The following CELF2 variants were observed in gnomAD, a reference collection of about 807,000 sequenced individuals.
CELF2 encodes the protein CUGBP Elav-like family member 2, also known as CUG triplet repeat RNA-binding protein 2.
A neutral mutation model predicts 62.6 loss-of-function variants in CELF2; 8 were observed. That is an observed-to-expected ratio of 0.13 (90% CI 0.07 to 0.23). CELF2 has a LOEUF of 0.23. CELF2 is among the 10% of genes least tolerant of loss of function. CELF2 has a pLI of 1.00. For missense variants in CELF2, 333 were observed against 671.0 expected (o/e 0.50, Z 5.56); for synonymous variants, 258 against 250.0 (o/e 1.03, Z -0.30).
intron 1 of CELF2, among the ~76,000 whole-genome samples, chr10:11,104,837 G>C (rs990739959): frequency 3.3e-5 from 5 of 152,224 alleles, no homozygotes; most frequent in African/African-American, 1.2e-4. Flanking sequence ...GACATGTTCA[G>C]AGCCTCAGTA....
At chr10:10,696,398 C>G in the CELF2 span, among the ~76,000 whole-genome samples, 2 of 151,742 alleles carry the variant, frequency 1.3e-5, no homozygotes, top group Admixed American at 1.3e-4. Context: ...AACCACTGCT[C>G]TCTTCAAAGC....
chr10:10,756,884 CTG>C, the CELF2 span, among the ~76,000 whole-genome samples: 1 of 152,290 alleles, frequency 6.6e-6, no homozygotes, highest in South Asian at 2.1e-4. Context: ...TGGCTCACAC[CTG>C]TAATCTCAGC....
rs143243962 is a variant in CELF2 at position 11,136,536 on chromosome 10, G to A, written c.75-28950G>A. 7.6e-3 allele frequency among the ~76,000 whole-genome samples: 1,156 copies of A among 152,248 alleles called. 13 individuals are homozygous for A. The highest frequency in any genetic ancestry group is 0.026 in the African/African-American group (1,080 of 41,546). ...GGAGAATTACTTTAACCTGGGAGGC[G>A]GAGGTTGCAGTGAGCTGAGATTGCT... On this transcript the variant is annotated intron_variant, in intron 1 of 12. Transcript: ENST00000633077.
At chr10:11,013,674 C>T (rs1250544793), upstream of CELF2, among the ~76,000 whole-genome samples, 1 of 152,114 alleles carries the variant, frequency 6.6e-6, no homozygotes, top group Non-Finnish European at 1.5e-5. This position sits in a 1 kb window ranked among gnomAD's most constrained non-coding sequence, Gnocchi z 4.1. Flanking sequence ...AGCTTAATAA[C>T]GATTTCATCT....
chr10:11,260,296 G>C lies in CELF2; in HGVS notation c.538+2424G>C, dbSNP rs2242452. Among the ~76,000 whole-genome samples, 7,447 of 152,166 alleles carry C rather than the reference G, an allele frequency of 0.049. 313 individuals carry two copies. The highest frequency in any genetic ancestry group is 0.11 in the African/African-American group (4,634 of 41,474). On this transcript the variant is annotated intron_variant, in intron 5 of 12. Transcript: ENST00000633077. The surrounding 1 kb of genome is among the most constrained non-coding windows in gnomAD (Gnocchi z 4.2). Reference sequence around the variant, plus strand: ...TATGTGTGCTTGATTTCTGCTCCCCGTCTGCTGGCCTGGCTGATCTAGGCA... The same window carrying C: ...TATGTGTGCTTGATTTCTGCTCCCCCTCTGCTGGCCTGGCTGATCTAGGCA...
chr10:10,772,700 G>A, the CELF2 span, among the ~76,000 whole-genome samples: 1 of 152,176 alleles, frequency 6.6e-6, no homozygotes, highest in East Asian at 1.9e-4. Context: ...GAGCTATAGA[G>A]GAGAAGCTCA....
chr10:10,514,887 A>G, the CELF2 span, among the ~76,000 whole-genome samples: 1 of 152,206 alleles, frequency 6.6e-6, no homozygotes, highest in African/African-American at 2.4e-5. Context: ...GCATGATTCA[A>G]ATTATTGCTC....
chr10:10,912,898 C>A (rs2063939380), intron 1 of CELF2, among the ~76,000 whole-genome samples: 1 of 152,190 alleles, frequency 6.6e-6, no homozygotes, highest in Admixed American at 6.5e-5. Context: ...TCTTTTGTCT[C>A]ATTTTTCTCG....
At chr10:10,653,711 C>G in the CELF2 span, among the ~76,000 whole-genome samples, 9 of 146,908 alleles carry the variant, frequency 6.1e-5, no homozygotes, top group African/African-American at 1.5e-4. Context: ...GGGATGCATT[C>G]AAAGCAGTGT....
chr10:10,884,103 G>T (rs1231571705), intron 1 of CELF2, among the ~76,000 whole-genome samples: 1 of 152,062 alleles, frequency 6.6e-6, no homozygotes, highest in South Asian at 2.1e-4. Context: ...CTTCTTTCTT[G>T]CTCTCCTTTT....
the CELF2 span, among the ~76,000 whole-genome samples, chr10:10,547,768 A>T: frequency 6.6e-6 from 1 of 151,374 alleles, no homozygotes; most frequent in African/African-American, 2.4e-5. Context: ...ATTTTTCTGA[A>T]GACTTGATTC....
chr10:10,739,146 A>C, the CELF2 span, among the ~76,000 whole-genome samples: 410 of 152,306 alleles, frequency 2.7e-3, 2 homozygotes, highest in African/African-American at 8.9e-3. Context: ...TCTGACGATA[A>C]CAAAAATGAT....
intron 7 of CELF2, among the ~76,000 whole-genome samples, chr10:11,271,783 A>C (rs1247855887): frequency 6.6e-6 from 1 of 151,794 alleles, no homozygotes; most frequent in Non-Finnish European, 1.5e-5. Flanking sequence ...CATTTTAACT[A>C]TCCCTCTTGT....
In CELF2 at chr10:10,995,583, CAT is replaced by C. The variant is rs2053866305; in HGVS notation, c.89+75586_89+75587del. Among the ~76,000 whole-genome samples, 1 of 152,180 alleles carries C rather than the reference CAT, an allele frequency of 6.6e-6. No individual in the cohort carries two copies. The highest frequency in any genetic ancestry group is 1.5e-5 in the Non-Finnish European group (1 of 68,030). On this transcript the variant is annotated intron_variant, in intron 2 of 13. Transcript: ENST00000636488. This position sits in a 1 kb window ranked among gnomAD's most constrained non-coding sequence, Gnocchi z 4.7. ...GAATACCTGAGAGATGAGTTGGAGA[CAT>C]AGGTGGATCTCATGGGCATTATTAT...
At chr10:10,603,448 A>G in the CELF2 span, among the ~76,000 whole-genome samples, 16 of 152,330 alleles carry the variant, frequency 1.1e-4, no homozygotes, top group South Asian at 1.9e-3. Flanking sequence ...TGAAGGCTCA[A>G]ATTGCTTTTA....
At position 11,335,797 on chromosome 10, in the gene CELF2, G is replaced by A. The variant is rs1008993432; in HGVS notation, c.*6744G>A. 1 of 152,136 alleles carries A rather than the reference G, an allele frequency of 6.6e-6. No homozygotes were observed. Among genetic ancestry groups the A allele is most frequent in the African/African-American group, 2.4e-5 (1 of 41,418 alleles). 9.4% of individuals were successfully genotyped at this position (152,136 alleles called of 1,614,324 possible). ...AAGTGTTTATTTTTCAAATCTATAAGTACATAGTTCCACCATTTTGGCACA... is the reference window on the plus strand; with the variant it reads ...AAGTGTTTATTTTTCAAATCTATAAATACATAGTTCCACCATTTTGGCACA... On this transcript the variant is annotated 3_prime_UTR_variant, in exon 13 of 13. Coordinates refer to ENST00000633077, the MANE Select transcript of CELF2 (RefSeq NM_001326342.2). This position sits in a 1 kb window ranked among gnomAD's most constrained non-coding sequence, Gnocchi z 5.0.
At chr10:10,482,442 C>A in the CELF2 span, among the ~76,000 whole-genome samples, 1 of 152,250 alleles carries the variant, frequency 6.6e-6, no homozygotes, top group South Asian at 2.1e-4. Context: ...ATGGTCAAAT[C>A]AATGTAAGAA....
rs537420861 is a variant in CELF2 at position 11,321,694 on chromosome 10, T to C, written c.1294+308T>C. ...CGGGGAACACAGACATACCCCTCTC[T>C]CTCAAACAAAAGCAAAAACCTATTT... On this transcript the variant is annotated intron_variant, in intron 11 of 12. Coordinates refer to ENST00000633077, the MANE Select transcript of CELF2 (RefSeq NM_001326342.2). This position sits in a 1 kb window ranked among gnomAD's most constrained non-coding sequence, Gnocchi z 6.2. 6.6e-6 allele frequency among the ~76,000 whole-genome samples: 1 copy of C among 152,272 alleles called. No individual in the cohort carries two copies. Among genetic ancestry groups the C allele is most frequent in the African/African-American group, 2.4e-5 (1 of 41,548 alleles).
chr10:11,041,296 G>C (rs1335644461), intron 1 of CELF2, among the ~76,000 whole-genome samples: 1 of 152,196 alleles, frequency 6.6e-6, no homozygotes, highest in Admixed American at 6.5e-5. Flanking sequence ...GACACAGTCA[G>C]TCCATGATAA....
Sources: allele counts gnomAD v4.1 joint callset (sites outside exome capture counted in the v4.1 genomes callset), GRCh38; gene constraint gnomAD v4.1.1; non-coding constraint Gnocchi (gnomAD v3.1); transcripts MANE v1.5; gene names NCBI Gene and HGNC (gene_info 2026-07-23, HGNC 2026-07-21).